APOBEC2: variants seen among roughly 807,000 people sequenced by gnomAD.
The protein encoded by APOBEC2 is C->U-editing enzyme APOBEC-2.
APOBEC2 carries 14 observed loss-of-function variants against 19.4 expected under a neutral mutation model. The ratio of observed to expected loss-of-function variants is 0.72; its 90% CI spans 0.48 to 1.13. The LOEUF (loss-of-function observed/expected upper bound fraction) is 1.13. Among genes scored for constraint, APOBEC2 ranks in the 50% most tolerant of loss-of-function variants. The probability of loss-of-function intolerance (pLI) is 0.00; values close to 1 mark genes in which losing one functional copy is unlikely to be tolerated. For missense variants in APOBEC2, 304 were observed against 277.0 expected (o/e 1.10, Z -0.69); for synonymous variants, 127 against 112.1 (o/e 1.13, Z -0.84).
intron 1 of APOBEC2, among the ~76,000 whole-genome samples, chr6:41,057,174 C>T (rs1180025177): frequency 2.6e-5 from 4 of 152,232 alleles, no homozygotes; most frequent in Admixed American, 6.5e-5. Flanking sequence ...CAGTAGTTTA[C>T]TCTAGCCATG....
At chr6:41,061,061 G>C (rs1443672585) in intron 1 of APOBEC2, among the ~76,000 whole-genome samples, 1 of 151,900 alleles carries the variant, frequency 6.6e-6, no homozygotes, top group African/African-American at 2.4e-5. Context: ...CTGGAAGAGT[G>C]ATGGTGGAGA....
Position 41,053,475 on chromosome 6 carries a change from C to T in APOBEC2, c.128C>T (p.Thr43Ile), listed in dbSNP as rs775157959. The T allele has an allele frequency of 3.7e-6, 6 of 1,614,200 alleles. No homozygotes were observed. The highest frequency in any genetic ancestry group is 1.6e-4 in the Middle Eastern group (1 of 6,062). Residue 43 changes from threonine to isoleucine, a missense_variant, in exon 1 of 3, where the codon ACA (threonine) becomes ATA (isoleucine). Thr to Ile is a moderately conservative substitution (Grantham distance 89). Transcript: ENST00000244669. ...GAGCTGCCGCCCTTTGAGATTGTCA[C>T]AGGGTAAGCCTCAGATGTGGGTCAG... ...LIELPPFEIV[T>I]GERLPANFFK...
chr6:41,059,677 C>T (rs905062843), intron 1 of APOBEC2, among the ~76,000 whole-genome samples: 8 of 152,266 alleles, frequency 5.3e-5, no homozygotes, highest in South Asian at 2.1e-4. Context: ...CCTGACAGCA[C>T]GGGACATGGA....
chr6:41,055,248 G>A (rs1324255079), intron 1 of APOBEC2, among the ~76,000 whole-genome samples: 4 of 152,114 alleles, frequency 2.6e-5, no homozygotes, highest in African/African-American at 9.7e-5. Flanking sequence ...AGAGCTCCAC[G>A]TTATCTCTAT....
At chr6:41,061,233 T>C in intron 1 of APOBEC2, 95 bp from the exon 2 acceptor site, 3 of 980,562 alleles carry the variant, frequency 3.1e-6, no homozygotes, top group Non-Finnish European at 2.9e-6. Context: ...AATGCATTTC[T>C]GAAGTACTGA....
In APOBEC2 at chr6:41,061,791, T is replaced by A; in HGVS notation, c.595T>A (p.Ser199Thr). Reference sequence around the variant, plus strand: ...TTTTGTGGAGCAAGAAGAGGGTGAATCCAAGGCCTTTCAGCCCTGGGAGGA... The same window carrying A: ...TTTTGTGGAGCAAGAAGAGGGTGAAACCAAGGCCTTTCAGCCCTGGGAGGA... ...QNFVEQEEGE[S>T]KAFQPWEDIQ... Residue 199 changes from serine (S) to threonine (T), a missense_variant, in exon 2 of 3, where the codon TCC (serine) becomes ACC (threonine). Ser to Thr is a moderately conservative substitution (Grantham distance 58). Transcript: ENST00000244669. 6.2e-7 allele frequency: 1 copy of A among 1,614,136 alleles called. No individual in the cohort carries two copies. The highest frequency in any genetic ancestry group is 2.2e-5 in the East Asian group (1 of 44,870).
rs2114030254 is a variant in APOBEC2 at position 41,061,391 on chromosome 6, G to A, written c.195G>A (p.Arg65=). The A allele has an allele frequency of 1.3e-6, 2 of 1,592,266 alleles. No individual in the cohort carries two copies. The highest frequency in any genetic ancestry group is 1.7e-6 in the Non-Finnish European group (2 of 1,170,008). The change falls in exon 2 of 3, where the codon AGG becomes AGA. Residue 65 remains arginine (R), a synonymous_variant. Transcript: ENST00000244669. ...QFRNVEYSSG[R]NKTFLCYVVE... ...GGAATGTGGAGTACAGTTCCGGGAG[G>A]AACAAGACCTTCCTCTGCTATGTGG...
At chr6:41,058,152 CACA>C (rs1762820374) in intron 1 of APOBEC2, among the ~76,000 whole-genome samples, 1 of 65,500 alleles carries the variant, frequency 1.5e-5, no homozygotes, top group Non-Finnish European at 2.9e-5. Context: ...CACCCCACCC[CACA>C]CACACACACA....
chr6:41,061,230 T>A, intron 1 of APOBEC2, 98 bp from the exon 2 acceptor site: 1 of 936,176 alleles, frequency 1.1e-6, no homozygotes, highest in Non-Finnish European at 1.5e-6. Flanking sequence ...GTGAATGCAT[T>A]TCTGAAGTAC....
chr6:41,058,092 G>A (rs1762818014), intron 1 of APOBEC2, among the ~76,000 whole-genome samples: 2 of 151,398 alleles, frequency 1.3e-5, no homozygotes, highest in Non-Finnish European at 2.9e-5. Flanking sequence ...CTGGATCAGG[G>A]AAAGAAATCT....
chr6:41,061,830 T>C lies in APOBEC2; in HGVS notation c.634T>C (p.Phe212Leu). ...GCCCTGGGAGGACATTCAGGAGAAC[T>C]TCCTATACTACGAGGAGAAGTTGGC... ...FQPWEDIQEN[F>L]LYYEEKLADI... is the part of the protein sequence containing the mutation. Residue 212 changes from phenylalanine (F) to leucine (L), a missense_variant, in exon 2 of 3, where the codon TTC becomes CTC. By Grantham distance (22) the Phe-to-Leu change is conservative. Transcript: ENST00000244669. 6.2e-7 allele frequency: 1 copy of C among 1,614,128 alleles called. No individual in the cohort carries two copies. Among genetic ancestry groups the C allele is most frequent in the Non-Finnish European group, 8.5e-7 (1 of 1,180,002 alleles).
In APOBEC2 at chr6:41,053,219, G is replaced by C; in HGVS notation, c.-129G>C. The C allele has an allele frequency of 7.7e-7, 1 of 1,293,332 alleles. No individual in the cohort carries two copies. Among genetic ancestry groups the C allele is most frequent in the East Asian group, 2.4e-5 (1 of 42,024 alleles). The allele number at this position is 1,293,332 out of a possible 1,614,324, so 80.1% of individuals were successfully genotyped here. ...GGAAAGCACGAAGCCTGGCCTGCTG[G>C]GTCCTTTTCCCGTCATCCCCAGCCA... is the stretch of plus-strand genomic sequence containing the variant. On this transcript the variant is annotated 5_prime_UTR_variant, in exon 1 of 3. Transcript: ENST00000244669.
intron 1 of APOBEC2, 32 bp from the exon 2 acceptor site, chr6:41,061,296 C>T (rs1356450097): frequency 2.0e-6 from 3 of 1,501,392 alleles, no homozygotes; most frequent in Non-Finnish European, 1.8e-6. Flanking sequence ...ACTTATCATT[C>T]TTTCCTGTCC....
In APOBEC2 at chr6:41,061,781, A is replaced by G. The variant is rs1561838130; in HGVS notation, c.585A>G (p.Glu195=). 2 of 1,614,218 alleles carry G rather than the reference A, an allele frequency of 1.2e-6. No homozygotes were observed. The highest frequency in any genetic ancestry group is 1.7e-6 in the Non-Finnish European group (2 of 1,180,050). Residue 195 remains glutamate, a synonymous_variant, in exon 2 of 3, where the codon GAA becomes GAG. Coordinates refer to ENST00000244669, the MANE Select transcript of APOBEC2 (RefSeq NM_006789.4). ...EYVWQNFVEQ[E]EGESKAFQPW... ...TCTGGCAGAATTTTGTGGAGCAAGA[A>G]GAGGGTGAATCCAAGGCCTTTCAGC... is the stretch of plus-strand genomic sequence containing the variant.
In APOBEC2 at chr6:41,055,722, C is replaced by T. The variant is rs544989470; in HGVS notation, c.131+2244C>T. On this transcript the variant is annotated intron_variant, in intron 1 of 2. Transcript: ENST00000244669. ...AGCGATTCTGGTTGAATAGGGCATT[C>T]AGGATAGAAAGCGGAACTGAGCACA... Among the ~76,000 whole-genome samples, 133 of 152,292 alleles carry T rather than the reference C, an allele frequency of 8.7e-4. 3 individuals are homozygous for T. The South Asian group carries it at 0.027, about 31-fold the overall frequency.
intron 1 of APOBEC2, among the ~76,000 whole-genome samples, chr6:41,056,381 A>G (rs1762795098): frequency 6.6e-6 from 1 of 152,248 alleles, no homozygotes; most frequent in African/African-American, 2.4e-5. Context: ...TCAGCCTCCC[A>G]AAGTGCTGGG....
At chr6:41,058,417 A>G (rs1412006089) in intron 1 of APOBEC2, among the ~76,000 whole-genome samples, 4 of 151,378 alleles carry the variant, frequency 2.6e-5, no homozygotes, top group Admixed American at 6.6e-5. Flanking sequence ...ACACACACAC[A>G]CACACACACT....
rs1323327361 is a variant in APOBEC2, at chr6:41,061,394, C to T, written c.198C>T (p.Asn66=). 1.3e-6 allele frequency: 2 copies of T among 1,593,558 alleles called. No individual in the cohort carries two copies. Among genetic ancestry groups the T allele is most frequent in the East Asian group, 2.2e-5 (1 of 44,724 alleles). Residue 66 remains asparagine, a synonymous_variant, in exon 2 of 3, where the codon AAC becomes AAT. Transcript: ENST00000244669. ...FRNVEYSSGR[N]KTFLCYVVEA... ...ATGTGGAGTACAGTTCCGGGAGGAA[C>T]AAGACCTTCCTCTGCTATGTGGTTG...
chr6:41,061,737 C>G lies in APOBEC2; in HGVS notation c.541C>G (p.Pro181Ala). The change falls in exon 2 of 3, where the codon CCC becomes GCC. Residue 181 changes from proline (P) to alanine (A), a missense_variant. By Grantham distance (27) the Pro-to-Ala change is conservative (BLOSUM62 -1). Coordinates refer to ENST00000244669, the MANE Select transcript of APOBEC2 (RefSeq NM_006789.4). ...TGGCTGTAAACTGCGCATCATGAAG[C>G]CCCAGGACTTCGAATATGTCTGGCA... ...EAGCKLRIMK[P>A]QDFEYVWQNF... is the part of the protein sequence containing the mutation. 6.2e-7 allele frequency: 1 copy of G among 1,614,206 alleles called. No individual in the cohort carries two copies. The highest frequency in any genetic ancestry group is 8.5e-7 in the Non-Finnish European group (1 of 1,180,038).
Sources: gnomAD v4.1 joint callset for allele counts (sites outside exome capture counted in the v4.1 genomes callset) on GRCh38, gnomAD v4.1.1 for gene constraint, MANE v1.5 for transcripts, NCBI Gene and HGNC (gene_info 2026-07-23, HGNC 2026-07-21) for gene names.